DNAJB14: variants seen among roughly 807,000 people sequenced by gnomAD.
DNAJB14 encodes the protein dnaJ homolog subfamily B member 14.
A neutral mutation model predicts 48.4 loss-of-function variants in DNAJB14; 22 were observed. That is an observed-to-expected ratio of 0.45 (90% CI 0.32 to 0.65). DNAJB14 has a LOEUF of 0.65. DNAJB14 is among the 30% of genes least tolerant of loss of function. The probability of loss-of-function intolerance (pLI) is 0.03; values close to 1 mark genes in which losing one functional copy is unlikely to be tolerated. For missense variants in DNAJB14, 319 were observed against 458.8 expected (o/e 0.70, Z 2.78); for synonymous variants, 142 against 158.7 (o/e 0.89, Z 0.79).
chr4:99,908,721 T>A lies in DNAJB14; in HGVS notation c.627A>T (p.Gly209=). Residue 209 remains glycine, a synonymous_variant, in exon 4 of 8, where the codon GGA becomes GGT. Transcript: ENST00000442697. ...ATTACATTAAAATACCTGAAGGAAA[T>A]CCACCCCCAAAAAATATATTAAACA... ...EDLFNIFFGG[G]FPSGSVHSFS... 6.3e-7 allele frequency: 1 copy of A among 1,588,534 alleles called. No homozygotes were observed. Among genetic ancestry groups the A allele is most frequent in the Non-Finnish European group, 8.5e-7 (1 of 1,170,788 alleles).
At chr4:99,937,618 C>T (rs975655581) in intron 1 of DNAJB14, among the ~76,000 whole-genome samples, 6 of 151,542 alleles carry the variant, frequency 4.0e-5, no homozygotes, top group South Asian at 2.1e-4. Context: ...ACCAGCTACT[C>T]GGGAGGCTAA....
intron 1 of DNAJB14, among the ~76,000 whole-genome samples, chr4:99,941,240 T>C (rs1256139392): frequency 6.6e-6 from 1 of 152,124 alleles, no homozygotes; most frequent in African/African-American, 2.4e-5. Context: ...GAGACAGCTA[T>C]ATACACAGGC....
chr4:99,916,971 A>G (rs1725880015), intron 3 of DNAJB14, among the ~76,000 whole-genome samples: 1 of 152,032 alleles, frequency 6.6e-6, no homozygotes, highest in Admixed American at 6.6e-5. Flanking sequence ...TGTCTCTACT[A>G]AAAATACAAA....
chr4:99,913,557 C>A (rs955489124), intron 3 of DNAJB14, among the ~76,000 whole-genome samples: 3 of 148,928 alleles, frequency 2.0e-5, no homozygotes, highest in Non-Finnish European at 4.4e-5. Context: ...TTTTTATATA[C>A]TGCAAAATTC....
chr4:99,921,957 G>T (rs997034251), intron 3 of DNAJB14, among the ~76,000 whole-genome samples: 2 of 152,046 alleles, frequency 1.3e-5, no homozygotes, highest in Non-Finnish European at 2.9e-5. Flanking sequence ...CTATTTTCTG[G>T]ATACATTCTT....
rs1578207429 is a variant in DNAJB14, at chr4:99,896,657, T to C, written c.*4371A>G. On this transcript the variant is annotated 3_prime_UTR_variant, in exon 8 of 8. Transcript: ENST00000442697. ...CTTAATACAGATAAACTGCAAAATATCATTTATGTGTGTTTCTTCTCATTG... is the reference window on the plus strand; with the variant it reads ...CTTAATACAGATAAACTGCAAAATACCATTTATGTGTGTTTCTTCTCATTG... The C allele has an allele frequency of 6.6e-6, 1 of 152,296 alleles. No individual in the cohort carries two copies. 9.4% of individuals were successfully genotyped at this position (152,296 alleles called of 1,614,324 possible).
At chr4:99,905,786 G>A in intron 5 of DNAJB14, 80 bp from the exon 6 acceptor site, 1 of 1,444,612 alleles carries the variant, frequency 6.9e-7, no homozygotes, top group Non-Finnish European at 9.6e-7. Flanking sequence ...TACATTTTGA[G>A]GCAGAAAGCG....
At chr4:99,923,601 C>A in intron 2 of DNAJB14, 1 of 948,984 alleles carries the variant, frequency 1.1e-6, no homozygotes, top group Non-Finnish European at 1.3e-6. Context: ...GCATTACATT[C>A]CAAAAATTTT....
intron 1 of DNAJB14, among the ~76,000 whole-genome samples, chr4:99,939,446 C>CTG (rs1369528277): frequency 2.6e-5 from 4 of 152,226 alleles, no homozygotes; most frequent in African/African-American, 9.6e-5. Context: ...TAGAAGTTAT[C>CTG]TGTGTGTTCC....
At chr4:99,911,344 T>C (rs1578216785) in intron 3 of DNAJB14, among the ~76,000 whole-genome samples, 1 of 152,162 alleles carries the variant, frequency 6.6e-6, no homozygotes, top group African/African-American at 2.4e-5. Flanking sequence ...CAAATAAAAT[T>C]GCTATATATA....
At chr4:99,923,659 T>C (rs1726143103) in intron 2 of DNAJB14, 7 of 985,240 alleles carry the variant, frequency 7.1e-6, no homozygotes, top group Non-Finnish European at 8.4e-6. Flanking sequence ...AACAGTTTAG[T>C]ACACGCAAAA....
At chr4:99,905,878 A>G (rs1289499938) in intron 5 of DNAJB14, 172 bp from the exon 6 acceptor site, 1 of 802,590 alleles carries the variant, frequency 1.2e-6, no homozygotes, top group Non-Finnish European at 1.5e-6. Context: ...TTATCCAGGC[A>G]TATCACCAGG....
Position 99,903,764 on chromosome 4 carries a change from G to C in DNAJB14, c.977C>G (p.Thr326Ser), listed in dbSNP as rs748510027. Residue 326 changes from threonine to serine, a missense_variant, in exon 7 of 8, where the codon ACT becomes AGT. Physicochemically the swap from Thr to Ser is moderately conservative, Grantham distance 58. Around this residue, in one of 3 missense-constraint regions of DNAJB14, gnomAD observed 166 missense variants for 236.3 expected, o/e 0.70. Transcript: ENST00000442697. ...TTTCCAGCAGTTATTTCGAATATTA[G>C]TCACATAATCTTCCTCCACACTCTT... is the stretch of plus-strand genomic sequence containing the variant. The part of the protein sequence containing the change: ...VEKSVEEDYV[T>S]NIRNNCWKER... The C allele has an allele frequency of 5.0e-6, 8 of 1,610,148 alleles. No homozygotes were observed. Among genetic ancestry groups the C allele is most frequent in the South Asian group, 3.3e-5 (3 of 90,708 alleles).
intron 6 of DNAJB14, 110 bp downstream of exon 6, chr4:99,905,487 C>A: frequency 1.5e-6 from 1 of 666,070 alleles, no homozygotes; most frequent in Non-Finnish European, 2.6e-6. Context: ...GGTACACTTG[C>A]AGTAATAGAT....
At position 99,898,440 on chromosome 4, in the gene DNAJB14, C is replaced by A. The variant is rs1209668901; in HGVS notation, c.*2588G>T. On this transcript the variant is annotated 3_prime_UTR_variant, in exon 8 of 8. Transcript: ENST00000442697. ...ATTCAGTTCACATTTAATCAAACTA[C>A]ATTTCGAAATTTACAGATGACTAAA... 6.6e-6 allele frequency: 1 copy of A among 151,964 alleles called. No individual in the cohort carries two copies. Among genetic ancestry groups the A allele is most frequent in the Non-Finnish European group, 1.5e-5 (1 of 67,854 alleles). 9.4% of individuals were successfully genotyped at this position (151,964 alleles called of 1,614,324 possible). A position where few individuals can be genotyped will look rare whatever the true frequency, so the allele number is the denominator to read the frequency against.
chr4:99,930,355 T>C lies in DNAJB14; in HGVS notation c.305+95A>G, dbSNP rs1221538290. 20 of 1,296,470 alleles carry C rather than the reference T, an allele frequency of 1.5e-5. No individual in the cohort carries two copies. In the Middle Eastern group the frequency reaches 9.6e-4, roughly 62 times the overall value. 80.3% of individuals were successfully genotyped at this position (1,296,470 alleles called of 1,614,324 possible). On this transcript the variant is annotated intron_variant, in intron 2 of 7. Coordinates refer to ENST00000442697, the MANE Select transcript of DNAJB14 (RefSeq NM_001031723.4). ...GAGTTCAATTCCTTGATGTCTATTC[T>C]TCTAATGTTATATTTCACTTTTTTC...
chr4:99,936,937 G>C (rs1458491334), intron 1 of DNAJB14, among the ~76,000 whole-genome samples: 1 of 152,226 alleles, frequency 6.6e-6, no homozygotes, highest in Non-Finnish European at 1.5e-5. Flanking sequence ...ATGCTACAAA[G>C]AGACAGTGAA....
intron 5 of DNAJB14, 170 bp from the exon 6 acceptor site, chr4:99,905,876 G>T: frequency 1.3e-6 from 1 of 792,176 alleles, no homozygotes; most frequent in Non-Finnish European, 1.5e-6. Flanking sequence ...AATTATCCAG[G>T]CATATCACCA....
intron 1 of DNAJB14, among the ~76,000 whole-genome samples, chr4:99,932,157 G>A (rs768711432): frequency 1.3e-5 from 2 of 151,756 alleles, no homozygotes; most frequent in Non-Finnish European, 2.9e-5. Context: ...TGTGATAAAA[G>A]GAAAACAGAG....
Sources: gnomAD v4.1 joint callset for allele counts (sites outside exome capture counted in the v4.1 genomes callset) on GRCh38, gnomAD v4.1.1 for gene constraint, gnomAD v4.1.1 regional missense constraint, MANE v1.5 for transcripts, NCBI Gene and HGNC (gene_info 2026-07-23, HGNC 2026-07-21) for gene names.